Variants in EIF4G3 observed in about 807,000 individuals in gnomAD.
EIF4G3 encodes the protein eukaryotic translation initiation factor 4 gamma 3.
Under a neutral mutation model 186.4 loss-of-function variants are expected in EIF4G3, and 34 were observed. The observed-to-expected ratio is 0.18, with a 90% CI of 0.14 to 0.24. The LOEUF is 0.24. Ranked by LOEUF, EIF4G3 falls within the 10% of genes least tolerant of loss-of-function variation. The probability of loss-of-function intolerance (pLI) is 1.00; values close to 1 mark genes in which losing one functional copy is unlikely to be tolerated. For synonymous variants in EIF4G3, 673 were observed against 679.5 expected (o/e 0.99, Z 0.15); for missense variants, 1,536 against 1,948.5 (o/e 0.79, Z 3.99).
At position 20,864,374 on chromosome 1, in the gene EIF4G3, C is replaced by T. The variant is rs113594033; in HGVS notation, c.3006+102G>A. On this transcript the variant is annotated intron_variant, in intron 22 of 36. Transcript: ENST00000602326. ...GGGCAAAAGAAGAAAAATAAACAGCCCAGACCTTTGGGAAAAGATAGAACT... is the reference window on the plus strand; with the variant it reads ...GGGCAAAAGAAGAAAAATAAACAGCTCAGACCTTTGGGAAAAGATAGAACT... 968 of 868,902 alleles carry T rather than the reference C, an allele frequency of 1.1e-3. 13 individuals carry two copies. The African/African-American group carries it at 0.014, about 13-fold the overall frequency. The allele number at this position is 868,902 out of a possible 1,614,324, so 53.8% of individuals were successfully genotyped here.
At chr1:20,861,695 T>A (rs551335569) in intron 23 of EIF4G3, among the ~76,000 whole-genome samples, 1 of 152,310 alleles carries the variant, frequency 6.6e-6, no homozygotes, top group Non-Finnish European at 1.5e-5. Flanking sequence ...TGCAAGTGGC[T>A]GGGCGTGGTG....
chr1:20,813,668 AC>A (rs2059731033), intron 34 of EIF4G3, among the ~76,000 whole-genome samples: 1 of 151,786 alleles, frequency 6.6e-6, no homozygotes, highest in African/African-American at 2.4e-5. Flanking sequence ...GGAGTTCGAG[AC>A]CAATCTGGCC....
chr1:21,134,601 G>C (rs916504046), intron 2 of EIF4G3, among the ~76,000 whole-genome samples: 1 of 152,112 alleles, frequency 6.6e-6, no homozygotes. Flanking sequence ...CCCGGGAGGC[G>C]GAGGTTGCAG....
intron 14 of EIF4G3, among the ~76,000 whole-genome samples, chr1:20,939,416 G>C (rs1178164220): frequency 6.6e-6 from 1 of 152,096 alleles, no homozygotes; most frequent in Non-Finnish European, 1.5e-5. Context: ...CTAATATTGA[G>C]AGCATCTGCA....
At chr1:20,888,466 T>C (rs932931942) in intron 18 of EIF4G3, among the ~76,000 whole-genome samples, 39 of 152,304 alleles carry the variant, frequency 2.6e-4, no homozygotes, top group African/African-American at 8.9e-4. Context: ...ATTCTTAATA[T>C]GTTCAATTAA....
intron 2 of EIF4G3, among the ~76,000 whole-genome samples, chr1:21,089,864 C>A (rs1047754645): frequency 1.3e-5 from 2 of 152,116 alleles, no homozygotes; most frequent in African/African-American, 4.8e-5. Context: ...CAACATACTT[C>A]CTTCCTAATT....
At chr1:21,112,492 T>C (rs1381154057) in intron 2 of EIF4G3, among the ~76,000 whole-genome samples, 3 of 152,292 alleles carry the variant, frequency 2.0e-5, no homozygotes, top group African/African-American at 7.2e-5. Context: ...TATAATTTAC[T>C]TCCTAAATTC....
At chr1:21,149,350 T>C (rs535410609) in intron 2 of EIF4G3, among the ~76,000 whole-genome samples, 21 of 152,282 alleles carry the variant, frequency 1.4e-4, no homozygotes, top group Non-Finnish European at 2.6e-4. Context: ...TCTTTTTTTT[T>C]CCCTGTATTT....
rs879094590 is a variant in EIF4G3 at position 20,840,777 on chromosome 1, TA to T, written c.4061+78del. On this transcript the variant is annotated intron_variant, in intron 30 of 36. Transcript: ENST00000602326. Reference sequence around the variant, plus strand: ...TCATCTATGGAAAAAACTAAATACTTAAAGAGGTAAGTACTTTGAAAATTAA... The same window carrying T: ...TCATCTATGGAAAAAACTAAATACTTAAGAGGTAAGTACTTTGAAAATTAA... 3.2e-5 allele frequency: 43 copies of T among 1,346,282 alleles called. No homozygotes were observed. In the South Asian group the frequency reaches 5.3e-4, roughly 17 times the overall value. The allele number at this position is 1,346,282 out of a possible 1,614,324, so 83.4% of individuals were successfully genotyped here.
chr1:21,159,608 C>T (rs1436163834), intron 2 of EIF4G3, among the ~76,000 whole-genome samples: 1 of 151,734 alleles, frequency 6.6e-6, no homozygotes, highest in African/African-American at 2.4e-5. Flanking sequence ...AGCGTGGTGG[C>T]GCACGCCTGT....
chr1:21,052,399 A>T (rs557581205), intron 3 of EIF4G3, among the ~76,000 whole-genome samples: 22 of 152,372 alleles, frequency 1.4e-4, no homozygotes, highest in African/African-American at 4.6e-4. Flanking sequence ...TTTGAGAGGA[A>T]CACAAACCCT....
At chr1:20,946,169 G>A (rs1288757628) in intron 13 of EIF4G3, among the ~76,000 whole-genome samples, 1 of 152,100 alleles carries the variant, frequency 6.6e-6, no homozygotes. Flanking sequence ...CAAAGAATAG[G>A]TCCTAAATGC....
intron 4 of EIF4G3, among the ~76,000 whole-genome samples, chr1:21,019,076 A>C (rs1350168485): frequency 6.6e-6 from 1 of 152,186 alleles, no homozygotes; most frequent in Non-Finnish European, 1.5e-5. Context: ...GGTGGAGTAC[A>C]GTGGCACAAT....
At chr1:20,997,487 TTGAAA>T (rs2082542590) in intron 7 of EIF4G3, 109 bp downstream of exon 7, 1 of 1,029,620 alleles carries the variant, frequency 9.7e-7, no homozygotes. Context: ...AAAGCTACTC[TTGAAA>T]TGAGTAATTT....
intron 33 of EIF4G3, among the ~76,000 whole-genome samples, chr1:20,818,666 A>G (rs554400393): frequency 6.6e-6 from 1 of 152,314 alleles, no homozygotes; most frequent in East Asian, 1.9e-4. Flanking sequence ...ATCTATAATC[A>G]AAATTATTCA....
intron 2 of EIF4G3, among the ~76,000 whole-genome samples, chr1:21,105,338 G>A (rs1430582713): frequency 6.6e-6 from 1 of 152,058 alleles, no homozygotes; most frequent in Non-Finnish European, 1.5e-5. Flanking sequence ...GCTGAGGCAG[G>A]AGAATAACTT....
intron 12 of EIF4G3, among the ~76,000 whole-genome samples, chr1:20,962,481 C>G (rs908879137): frequency 6.6e-6 from 1 of 152,168 alleles, no homozygotes; most frequent in East Asian, 1.9e-4. Flanking sequence ...TGGTCAACCA[C>G]AGCTGCAGAT....
At chr1:20,999,365 C>G (rs2082984113) in intron 6 of EIF4G3, 1 of 395,478 alleles carries the variant, frequency 2.5e-6, no homozygotes, top group African/African-American at 2.1e-5. Flanking sequence ...CTACTATGGA[C>G]AAGAACAGGC....
chr1:21,107,337 A>G (rs1207890517), intron 2 of EIF4G3, among the ~76,000 whole-genome samples: 2 of 152,028 alleles, frequency 1.3e-5, no homozygotes, highest in Non-Finnish European at 2.9e-5. Flanking sequence ...CACCATGCCC[A>G]GCTAATTTTT....
Sources: gnomAD v4.1 joint callset for allele counts (sites outside exome capture counted in the v4.1 genomes callset) on GRCh38, gnomAD v4.1.1 for gene constraint, MANE v1.5 for transcripts, NCBI Gene and HGNC (gene_info 2026-07-23, HGNC 2026-07-21) for gene names.